PHLDB2: variants seen among roughly 807,000 people sequenced by gnomAD.
PHLDB2 encodes the protein pleckstrin homology-like domain family B member 2.
PHLDB2 carries 71 observed loss-of-function variants against 123.6 expected under a neutral mutation model. The observed-to-expected ratio is 0.57, with a 90% CI of 0.47 to 0.70. PHLDB2 has a LOEUF of 0.70. Among genes scored for constraint, PHLDB2 ranks in the 30% least tolerant of loss-of-function variants. The pLI is 0.00. For synonymous variants in PHLDB2, 547 were observed against 541.6 expected, an observed-to-expected ratio of 1.01 and a Z score of -0.14; for missense variants, 1,446 against 1,519.5, an observed-to-expected ratio of 0.95 and a Z score of 0.80.
intron 6 of PHLDB2, among the ~76,000 whole-genome samples, chr3:111,936,775 T>C (rs140327869): frequency 2.0e-5 from 3 of 152,308 alleles, no homozygotes; most frequent in Non-Finnish European, 4.4e-5. Context: ...AGATTACTTA[T>C]AAGCCAGAAA....
intron 2 of PHLDB2, among the ~76,000 whole-genome samples, chr3:111,847,351 C>T (rs950243133): frequency 4.6e-5 from 7 of 152,008 alleles, no homozygotes; most frequent in African/African-American, 1.4e-4. Flanking sequence ...ATAGAAAGAT[C>T]CCGGTCCTCA....
chr3:111,954,029 G>A lies in PHLDB2; in HGVS notation c.2872G>A (p.Gly958Ser). The A allele has an allele frequency of 6.2e-7, 1 of 1,612,120 alleles. No individual in the cohort carries two copies. Residue 958 changes from glycine to serine, a missense_variant and splice_region_variant, in exon 12 of 18, where the codon GGT becomes AGT. This residue lies in a region of PHLDB2 where 594 missense variants were observed against 646.0 expected (regional missense o/e 0.92). Transcript: ENST00000431670. ...KDSESRRMLR[G>S]YNHQQMSEGH... The stretch of plus-strand genomic sequence containing the variant: ...CTCAGAATCTCGGAGGATGCTCAGA[G>A]GTACGTACCTTTTAAATCAAGTGTC...
intron 2 of PHLDB2, among the ~76,000 whole-genome samples, chr3:111,901,095 C>T (rs926847615): frequency 2.6e-5 from 4 of 152,078 alleles, no homozygotes; most frequent in Non-Finnish European, 4.4e-5. Context: ...CTTGGTGGCT[C>T]ATGCCTGTCA....
rs778585433 is a variant in PHLDB2 at position 111,884,397 on chromosome 3, C to T, written c.320C>T (p.Pro107Leu). The change falls in exon 2 of 18, where the codon CCT (proline) becomes CTT (leucine). Residue 107 changes from proline (P) to leucine (L), a missense_variant. By Grantham distance (98) the Pro-to-Leu change is moderately conservative. This residue lies in a region of PHLDB2 where 832 missense variants were observed against 831.9 expected (regional missense o/e 1.00). Transcript: ENST00000431670. ...ACTGACAAAAATATTCCTATGAAAC[C>T]TCCAACTCCTTTACTCAACACTACA... ...DGTDKNIPMK[P>L]PTPLLNTTSS... 41 of 1,614,014 alleles carry T rather than the reference C, an allele frequency of 2.5e-5. No individual in the cohort carries two copies. The highest frequency in any genetic ancestry group is 5.9e-6 in the Non-Finnish European group (7 of 1,180,024).
At chr3:111,859,190 G>C, upstream of PHLDB2, 1 of 985,248 alleles carries the variant, frequency 1.0e-6, no homozygotes, top group Non-Finnish European at 1.2e-6. Flanking sequence ...GTCTGGTGAG[G>C]AAATCATCAC....
At chr3:111,857,778 G>T (rs1275591784), upstream of PHLDB2, among the ~76,000 whole-genome samples, 1 of 152,196 alleles carries the variant, frequency 6.6e-6, no homozygotes, top group African/African-American at 2.4e-5. Context: ...CAGTTAGAAT[G>T]GCAATCATTA....
At chr3:111,859,981 G>C in intron 1 of PHLDB2, 1 of 887,568 alleles carries the variant, frequency 1.1e-6, no homozygotes, top group Non-Finnish European at 1.4e-6. Context: ...CAGCTGGGTG[G>C]GTGGGGGTGG....
At chr3:111,897,371 T>C (rs534540904) in intron 2 of PHLDB2, among the ~76,000 whole-genome samples, 4 of 152,338 alleles carry the variant, frequency 2.6e-5, no homozygotes, top group South Asian at 2.1e-4. Flanking sequence ...TCTGTTTTTT[T>C]CCCCATATAA....
At position 111,954,008 on chromosome 3, in the gene PHLDB2, GA is replaced by G. The variant is rs1365574766; in HGVS notation, c.2853del (p.Glu951AspfsTer14). 1 of 1,613,522 alleles carries G rather than the reference GA, an allele frequency of 6.2e-7. No individual in the cohort carries two copies. The highest frequency in any genetic ancestry group is 1.3e-5 in the African/African-American group (1 of 74,984). On this transcript the variant is annotated frameshift_variant, in exon 12 of 18. Transcript: ENST00000431670. LOFTEE classifies it high-confidence loss of function. ...PSLAAMAKDSESRRMLRGYNH... is the reference protein window; with the variant it reads ...PSLAAMAKDSXSRRMLRGYNH... Reference sequence around the variant, plus strand: ...ACTGGCAGCCATGGCCAAAGACTCAGAATCTCGGAGGATGCTCAGAGGTACG... The same window carrying G: ...ACTGGCAGCCATGGCCAAAGACTCAGATCTCGGAGGATGCTCAGAGGTACG...
intron 5 of PHLDB2, among the ~76,000 whole-genome samples, chr3:111,920,647 G>A (rs374255384): frequency 3.3e-5 from 5 of 152,262 alleles, no homozygotes; most frequent in African/African-American, 9.6e-5. Context: ...TTTGTGAGCC[G>A]ATATTCCTGG....
intron 1 of PHLDB2, among the ~76,000 whole-genome samples, chr3:111,819,424 A>G (rs2062261129): frequency 3.9e-5 from 6 of 152,194 alleles, no homozygotes; most frequent in Admixed American, 3.9e-4. Flanking sequence ...GTCTTTTTCA[A>G]GTCTAATCAT....
intron 1 of PHLDB2, among the ~76,000 whole-genome samples, chr3:111,780,333 A>G (rs79607852): frequency 0.069 from 875 of 12,692 alleles, 42 homozygotes; most frequent in Non-Finnish European, 0.21. Flanking sequence ...AAGAAGAAGA[A>G]GAAGAAGAAG....
intron 1 of PHLDB2, among the ~76,000 whole-genome samples, chr3:111,828,278 T>G (rs1279596727): frequency 6.6e-6 from 1 of 152,192 alleles, no homozygotes; most frequent in East Asian, 1.9e-4. Flanking sequence ...CAGAGGCAGC[T>G]GAAGTTGCCC....
At chr3:111,950,527 T>C (rs913636037) in intron 10 of PHLDB2, among the ~76,000 whole-genome samples, 1 of 152,192 alleles carries the variant, frequency 6.6e-6, no homozygotes, top group African/African-American at 2.4e-5. Flanking sequence ...ATTCACCAGA[T>C]TTTTAAATAA....
At chr3:111,964,598 TC>T (rs1349582307) in intron 13 of PHLDB2, among the ~76,000 whole-genome samples, 2 of 152,040 alleles carry the variant, frequency 1.3e-5, no homozygotes, top group African/African-American at 2.4e-5. Context: ...CAACTTGGCC[TC>T]CCAAAGTGCT....
At position 111,817,512 on chromosome 3, in the gene PHLDB2, A is replaced by G. The variant is rs148610357; in HGVS notation, c.-48-28309A>G. 1.5e-3 allele frequency among the ~76,000 whole-genome samples: 234 copies of G among 152,324 alleles called. 1 individual carries two copies. Among genetic ancestry groups the G allele is most frequent in the African/African-American group, 5.5e-3 (228 of 41,588 alleles). ...AAATCATTAGAAAGGTCACTTTCTG[A>G]GGATGTCACCTTTAAATCCTTTACA... is the stretch of plus-strand genomic sequence containing the variant. On this transcript the variant is annotated intron_variant, in intron 1 of 17. Transcript: ENST00000393923.
chr3:111,961,152 G>A (rs370557855), intron 12 of PHLDB2, among the ~76,000 whole-genome samples: 3 of 152,126 alleles, frequency 2.0e-5, no homozygotes, highest in Non-Finnish European at 2.9e-5. Flanking sequence ...CCAACATGGT[G>A]AAACCCCGTC....
At chr3:111,737,413 G>T (rs1384299434) in intron 1 of PHLDB2, among the ~76,000 whole-genome samples, 2 of 151,988 alleles carry the variant, frequency 1.3e-5, no homozygotes, top group Non-Finnish European at 2.9e-5. Flanking sequence ...CCATAGTTTT[G>T]GGCAGTGATC....
chr3:111,812,073 T>C (rs1043836678), intron 1 of PHLDB2, among the ~76,000 whole-genome samples: 1 of 152,200 alleles, frequency 6.6e-6, no homozygotes, highest in African/African-American at 2.4e-5. Context: ...AATTCCAGTA[T>C]TTAGATTAAA....
Sources: gnomAD v4.1 joint callset for allele counts (sites outside exome capture counted in the v4.1 genomes callset) on GRCh38, gnomAD v4.1.1 for gene constraint, gnomAD v4.1.1 regional missense constraint, MANE v1.5 for transcripts, NCBI Gene and HGNC (gene_info 2026-07-23, HGNC 2026-07-21) for gene names.